The following TCF4 variants were observed in gnomAD, a reference collection of about 807,000 sequenced individuals.
TCF4 encodes the protein SL3-3 enhancer factor 2.
In TCF4, 3 loss-of-function variants were observed where a neutral mutation model predicts 82.1. That is an observed-to-expected ratio of 0.04 (90% CI 0.02 to 0.09). The LOEUF is 0.09. TCF4 is among the 10% of genes least tolerant of loss of function. The pLI is 1.00. For missense variants in TCF4, 518 were observed against 852.7 expected (o/e 0.61, Z 4.89); for synonymous variants, 276 against 309.6 (o/e 0.89, Z 1.14).
chr18:55,246,064 T>A (rs2145158164), intron 15 of TCF4, among the ~76,000 whole-genome samples: 1 of 152,326 alleles, frequency 6.6e-6, no homozygotes, highest in African/African-American at 2.4e-5. Flanking sequence ...GTTGTGCCTA[T>A]TCCAAATTAT....
intron 3 of TCF4, among the ~76,000 whole-genome samples, chr18:55,522,420 C>T (rs1241293767): frequency 6.6e-6 from 1 of 152,108 alleles, no homozygotes; most frequent in African/African-American, 2.4e-5. Context: ...AAAACATTTT[C>T]ACCCTATAAA....
intron 3 of TCF4, among the ~76,000 whole-genome samples, chr18:55,483,389 CA>C (rs2096469346): frequency 6.6e-6 from 1 of 152,184 alleles, no homozygotes; most frequent in African/African-American, 2.4e-5. Flanking sequence ...ATTCGTTTCA[CA>C]AATATGCAAG....
At chr18:55,403,787 C>G in intron 5 of TCF4, 1 of 1,520,414 alleles carries the variant, frequency 6.6e-7, no homozygotes, top group Non-Finnish European at 8.8e-7. Flanking sequence ...CTCTAACAAA[C>G]AAATCGTAAC....
chr18:55,571,915 CTG>C (rs1402285594), intron 3 of TCF4, among the ~76,000 whole-genome samples: 1 of 149,694 alleles, frequency 6.7e-6, no homozygotes, highest in African/African-American at 2.4e-5. Context: ...TTGAAACTCT[CTG>C]TGTCCCTCCC....
chr18:55,561,400 C>T (rs2097353833), intron 3 of TCF4, among the ~76,000 whole-genome samples: 1 of 152,220 alleles, frequency 6.6e-6, no homozygotes, highest in Non-Finnish European at 1.5e-5. Flanking sequence ...GACCTCCACA[C>T]ATCTCCATAG....
At chr18:55,435,800 C>T (rs1369140055) in intron 5 of TCF4, among the ~76,000 whole-genome samples, 1 of 152,230 alleles carries the variant, frequency 6.6e-6, no homozygotes, top group Admixed American at 6.5e-5. Flanking sequence ...GTCAACTACC[C>T]TGAGTTTCTC....
chr18:55,539,866 T>C (rs1420607230), intron 3 of TCF4, among the ~76,000 whole-genome samples: 1 of 152,084 alleles, frequency 6.6e-6, no homozygotes, highest in African/African-American at 2.4e-5. Flanking sequence ...GAAAGCTAGG[T>C]AAAGTGAAAA....
At chr18:55,505,370 T>A (rs1276242310) in intron 3 of TCF4, among the ~76,000 whole-genome samples, 2 of 152,174 alleles carry the variant, frequency 1.3e-5, no homozygotes, top group Non-Finnish European at 2.9e-5. Context: ...AATGACATAA[T>A]CATTAATAAC....
chr18:55,602,711 A>G (rs2097698384), intron 2 of TCF4, among the ~76,000 whole-genome samples: 1 of 152,144 alleles, frequency 6.6e-6, no homozygotes, highest in Non-Finnish European at 1.5e-5. Context: ...TCTCTCTTAC[A>G]TGGTTTTAGA....
intron 3 of TCF4, among the ~76,000 whole-genome samples, chr18:55,576,986 C>A (rs1477168242): frequency 6.6e-6 from 1 of 150,982 alleles, no homozygotes; most frequent in African/African-American, 2.4e-5. Flanking sequence ...AATATATGCC[C>A]TCTGAGAGAA....
rs555036823 is a variant in TCF4 at position 55,617,508 on chromosome 18, G to A, written c.286+13790C>T. On this transcript the variant is annotated intron_variant, in intron 2 of 20. Coordinates refer to the TCF4 transcript ENST00000398339. Reference sequence around the variant, plus strand: ...TTTTTATAGGGGTTCCTTTGAATCTGTAGGTCACTTTGAGTACTATGAACA... The same window carrying A: ...TTTTTATAGGGGTTCCTTTGAATCTATAGGTCACTTTGAGTACTATGAACA... Among the ~76,000 whole-genome samples, 4 of 152,110 alleles carry A rather than the reference G, an allele frequency of 2.6e-5. No individual in the cohort carries two copies. The East Asian group carries it at 7.7e-4, about 29-fold the overall frequency.
chr18:55,431,018 G>A (rs1293961229), intron 5 of TCF4, among the ~76,000 whole-genome samples: 2 of 152,150 alleles, frequency 1.3e-5, no homozygotes, highest in South Asian at 2.1e-4. Context: ...AAAGACAGAT[G>A]ATGAAAGAAA....
At chr18:55,264,085 GC>G (rs1423973597) in intron 11 of TCF4, among the ~76,000 whole-genome samples, 1 of 151,670 alleles carries the variant, frequency 6.6e-6, no homozygotes, top group Non-Finnish European at 1.5e-5. Flanking sequence ...AAATATATAC[GC>G]CCCAAAAATC....
intron 6 of TCF4, among the ~76,000 whole-genome samples, chr18:55,363,853 CCATA>C (rs2086152558): frequency 6.6e-6 from 1 of 151,900 alleles, no homozygotes; most frequent in Admixed American, 6.6e-5. Flanking sequence ...ATTATCCAAA[CCATA>C]CAAAGTTGAA....
rs1568769774 is a variant in TCF4, at chr18:55,293,930, A to AATTTTT, written c.550-14275_550-14274insAAAAAT. 3.7e-3 allele frequency among the ~76,000 whole-genome samples: 83 copies of AATTTTT among 22,658 alleles called. 2 individuals carry two copies. The highest frequency in any genetic ancestry group is 8.1e-3 in the African/African-American group (75 of 9,314). 14.9% of individuals were successfully genotyped at this position (22,658 alleles called of 152,430 possible). A position where few individuals can be genotyped will look rare whatever the true frequency, so the allele number is the denominator to read the frequency against. On this transcript the variant is annotated intron_variant, in intron 8 of 19. Coordinates refer to ENST00000354452, the MANE Select transcript of TCF4 (RefSeq NM_001083962.2). ...ATTTCATCTTCTAAACTTTCCAAGG[A>AATTTTT]CTTTTTTTTTTTTTTTTTTTTTTTT...
At chr18:55,434,419 C>CTTTTTTTTTTTTTTTTTTTTT (rs765165999) in intron 5 of TCF4, among the ~76,000 whole-genome samples, 2 of 118,204 alleles carry the variant, frequency 1.7e-5, no homozygotes, top group Non-Finnish European at 3.3e-5. Context: ...ACAGGACATT[C>CTTTTTTTTTTTTTTTTTTTTT]TTTTTTTTTT....
At chr18:55,238,491 T>C (rs181688142) in intron 15 of TCF4, among the ~76,000 whole-genome samples, 2 of 152,350 alleles carry the variant, frequency 1.3e-5, no homozygotes, top group Non-Finnish European at 2.9e-5. Context: ...GTCCTGGTTT[T>C]TGTGGAACTC....
At chr18:55,416,882 G>C (rs978857862) in intron 5 of TCF4, among the ~76,000 whole-genome samples, 1 of 152,192 alleles carries the variant, frequency 6.6e-6, no homozygotes, top group African/African-American at 2.4e-5. Context: ...CTCTTAAGGG[G>C]AATCAACTGT....
Position 55,274,962 on chromosome 18 carries a change from T to C in TCF4, c.789+657A>G, listed in dbSNP as rs1027315202. Among the ~76,000 whole-genome samples, 6 of 152,228 alleles carry C rather than the reference T, an allele frequency of 3.9e-5. No individual in the cohort carries two copies. The South Asian group carries it at 8.3e-4, about 21-fold the overall frequency. On this transcript the variant is annotated intron_variant, in intron 10 of 19. Transcript: ENST00000354452. ...TGATGGACAGAGTGGAAATGTTTAG[T>C]AATGAAAGACCTAACATTCTAGAGC...
Sources: gnomAD v4.1 joint callset for allele counts (sites outside exome capture counted in the v4.1 genomes callset) on GRCh38, gnomAD v4.1.1 for gene constraint, MANE v1.5 for transcripts, NCBI Gene and HGNC (gene_info 2026-07-23, HGNC 2026-07-21) for gene names.